Variants in TAFA1 observed in about 807,000 individuals in gnomAD.
TAFA1 encodes the protein TAFA chemokine like family member 1.
TAFA1 carries 4 observed loss-of-function variants against 18.5 expected under a neutral mutation model. That is an observed-to-expected ratio of 0.22 (90% CI 0.11 to 0.49). The LOEUF (loss-of-function observed/expected upper bound fraction) is 0.49. TAFA1 is among the 20% of genes least tolerant of loss of function. The pLI is 0.98. For missense variants in TAFA1, 147 were observed against 169.0 expected (o/e 0.87, Z 0.72); for synonymous variants, 56 against 55.2 (o/e 1.01, Z -0.06).
chr3:68,024,147 T>G (rs538751307), intron 2 of TAFA1, among the ~76,000 whole-genome samples: 109 of 152,304 alleles, frequency 7.2e-4, no homozygotes, highest in Middle Eastern at 3.4e-3. Flanking sequence ...AAGTATTTTT[T>G]ATTCTCCTTA....
chr3:68,042,415 C>T (rs544675637), intron 2 of TAFA1, among the ~76,000 whole-genome samples: 11 of 152,208 alleles, frequency 7.2e-5, no homozygotes, highest in Admixed American at 2.0e-4. Flanking sequence ...GTTGGGAGGC[C>T]AAGGTGGATG....
intron 2 of TAFA1, among the ~76,000 whole-genome samples, chr3:68,228,342 T>C (rs1323946995): frequency 6.6e-6 from 1 of 152,130 alleles, no homozygotes; most frequent in Non-Finnish European, 1.5e-5. Context: ...CAGCCTTGAA[T>C]TCCCGCTCAA....
At chr3:68,463,419 A>T (rs1004353134) in intron 3 of TAFA1, among the ~76,000 whole-genome samples, 2 of 152,142 alleles carry the variant, frequency 1.3e-5, no homozygotes, top group Admixed American at 6.6e-5. Flanking sequence ...TTCATCAAAA[A>T]GTTTTATTTT....
chr3:68,161,155 C>T (rs73834865), intron 2 of TAFA1, among the ~76,000 whole-genome samples: 48 of 152,256 alleles, frequency 3.2e-4, no homozygotes, highest in African/African-American at 1.1e-3. Context: ...ACAATGTTTA[C>T]CTCTATCCCA....
At chr3:68,032,872 G>C (rs533586111) in intron 2 of TAFA1, among the ~76,000 whole-genome samples, 2 of 152,074 alleles carry the variant, frequency 1.3e-5, no homozygotes, top group Admixed American at 1.3e-4. Flanking sequence ...TTGCTCTTGC[G>C]CTTTTCAGTT....
intron 2 of TAFA1, among the ~76,000 whole-genome samples, chr3:68,304,107 G>A (rs1257770756): frequency 6.6e-6 from 1 of 152,128 alleles, no homozygotes; most frequent in East Asian, 1.9e-4. Flanking sequence ...GAAAATGAAG[G>A]TGTCTAAAAG....
chr3:68,368,084 T>C (rs1256023498), intron 2 of TAFA1, among the ~76,000 whole-genome samples: 1 of 152,290 alleles, frequency 6.6e-6, no homozygotes, highest in African/African-American at 2.4e-5. Flanking sequence ...TACGTGTAAA[T>C]ATACATGTAA....
At chr3:68,045,114 G>C (rs1275937826) in intron 2 of TAFA1, among the ~76,000 whole-genome samples, 1 of 152,126 alleles carries the variant, frequency 6.6e-6, no homozygotes, top group Non-Finnish European at 1.5e-5. Flanking sequence ...CGTGGGGCCA[G>C]TTAGCTGAGG....
intron 2 of TAFA1, among the ~76,000 whole-genome samples, chr3:68,323,859 G>A (rs551618009): frequency 6.6e-6 from 1 of 152,144 alleles, no homozygotes; most frequent in Non-Finnish European, 1.5e-5. Flanking sequence ...TCCACGTTGG[G>A]AGGGCAAGCC....
chr3:68,049,286 C>T (rs1445516572), intron 2 of TAFA1, among the ~76,000 whole-genome samples: 1 of 152,120 alleles, frequency 6.6e-6, no homozygotes, highest in African/African-American at 2.4e-5. Context: ...TGAAGAAAGG[C>T]TTTTCTCCTT....
At chr3:68,041,837 A>G (rs1044424163) in intron 2 of TAFA1, among the ~76,000 whole-genome samples, 1 of 152,206 alleles carries the variant, frequency 6.6e-6, no homozygotes, top group Admixed American at 6.5e-5. Context: ...TAGAGGACCC[A>G]AGAAGGTATG....
At chr3:68,323,787 C>G (rs887968931) in intron 2 of TAFA1, among the ~76,000 whole-genome samples, 2 of 152,164 alleles carry the variant, frequency 1.3e-5, no homozygotes, top group African/African-American at 4.8e-5. Flanking sequence ...GACAGATTTA[C>G]TATGAAACAT....
At chr3:68,509,223 G>C (rs2072810496) in intron 3 of TAFA1, among the ~76,000 whole-genome samples, 1 of 152,098 alleles carries the variant, frequency 6.6e-6, no homozygotes, top group African/African-American at 2.4e-5. Context: ...GTGTGGGTTG[G>C]TCCCATGGGG....
intron 3 of TAFA1, among the ~76,000 whole-genome samples, chr3:68,437,846 C>A (rs535775441): frequency 5.3e-5 from 8 of 152,242 alleles, no homozygotes; most frequent in African/African-American, 1.9e-4. Context: ...CAAATATATT[C>A]ATTTCAACCC....
chr3:68,188,863 CGTTT>C (rs762336738), intron 2 of TAFA1, among the ~76,000 whole-genome samples: 2 of 151,236 alleles, frequency 1.3e-5, no homozygotes, highest in South Asian at 2.1e-4. Flanking sequence ...TTTTTTTGTT[CGTTT>C]GTTTGTTTGT....
chr3:68,398,390 C>T (rs924426194), intron 2 of TAFA1, among the ~76,000 whole-genome samples: 6 of 152,118 alleles, frequency 3.9e-5, no homozygotes, highest in Non-Finnish European at 8.8e-5. Flanking sequence ...GAAACTGGAC[C>T]CCTTCCTTAC....
chr3:68,384,662 C>T (rs2070052166), intron 2 of TAFA1, among the ~76,000 whole-genome samples: 1 of 152,034 alleles, frequency 6.6e-6, no homozygotes, highest in African/African-American at 2.4e-5. Flanking sequence ...GTAGAGAATT[C>T]TGTAGATGTT....
intron 2 of TAFA1, among the ~76,000 whole-genome samples, chr3:68,298,586 G>A (rs9810477): frequency 0.022 from 3,384 of 152,272 alleles, 121 homozygotes; most frequent in African/African-American, 0.077. Context: ...TGTGTCAAGG[G>A]AGAGACCAGG....
chr3:68,435,759 G>A (rs2071257147), intron 3 of TAFA1, among the ~76,000 whole-genome samples: 1 of 152,146 alleles, frequency 6.6e-6, no homozygotes, highest in South Asian at 2.1e-4. Flanking sequence ...TTTGCATCAA[G>A]GATCACTATG....
Sources: gnomAD v4.1 joint callset for allele counts (sites outside exome capture counted in the v4.1 genomes callset) on GRCh38, gnomAD v4.1.1 for gene constraint, MANE v1.5 for transcripts, NCBI Gene and HGNC (gene_info 2026-07-23, HGNC 2026-07-21) for gene names.